Variants in FYN observed in about 807,000 individuals in gnomAD.
FYN encodes FYN proto-oncogene, Src family tyrosine kinase.
Under a neutral mutation model 70.2 loss-of-function variants are expected in FYN, and 10 were observed. That is an observed-to-expected ratio of 0.14 (90% CI 0.09 to 0.24). FYN has a LOEUF of 0.24. Ranked by LOEUF, FYN falls within the 10% of genes least tolerant of loss-of-function variation. FYN has a pLI of 1.00. For missense variants in FYN, 319 were observed against 673.1 expected, an observed-to-expected ratio of 0.47 and a Z score of 5.82; for synonymous variants, 236 against 248.6, an observed-to-expected ratio of 0.95 and a Z score of 0.48.
chr6:111,801,679 GTGTATC>G (rs1771990092), intron 2 of FYN, among the ~76,000 whole-genome samples: 1 of 152,206 alleles, frequency 6.6e-6, no homozygotes, highest in South Asian at 2.1e-4. Context: ...AAAGTAGCAA[GTGTATC>G]TGAGACTGTG....
intron 2 of FYN, among the ~76,000 whole-genome samples, chr6:111,781,945 T>C (rs890742970): frequency 1.3e-5 from 2 of 152,348 alleles, no homozygotes; most frequent in Admixed American, 6.5e-5. Flanking sequence ...AAAATATTCA[T>C]AATTTCTATT....
At chr6:111,808,647 GT>G (rs1173975587) in intron 2 of FYN, among the ~76,000 whole-genome samples, 2 of 152,204 alleles carry the variant, frequency 1.3e-5, no homozygotes, top group Admixed American at 1.3e-4. Flanking sequence ...AGAGTGGAGA[GT>G]ATTTGGATAC....
chr6:111,688,622 C>CGCAGCGTGTGTGTGCTCAT (rs1340426946), intron 12 of FYN, among the ~76,000 whole-genome samples: 119 of 152,302 alleles, frequency 7.8e-4, no homozygotes, highest in Admixed American at 4.4e-3. Context: ...GCCGTGCCCA[C>CGCAGCGTGTGTGTGCTCAT]GCAGCGTGTG....
chr6:111,743,037 G>A (rs1260539231), intron 3 of FYN, among the ~76,000 whole-genome samples: 1 of 151,570 alleles, frequency 6.6e-6, no homozygotes, highest in Non-Finnish European at 1.5e-5. Flanking sequence ...CACGATCTCG[G>A]CTCGTTGCAA....
chr6:111,797,391 T>C (rs1562525173), intron 2 of FYN, among the ~76,000 whole-genome samples: 1 of 152,036 alleles, frequency 6.6e-6, no homozygotes, highest in Non-Finnish European at 1.5e-5. Flanking sequence ...AATTTTTATG[T>C]ATAGAATTTT....
chr6:111,866,617 C>T (rs1441986854), intron 1 of FYN, among the ~76,000 whole-genome samples: 1 of 152,258 alleles, frequency 6.6e-6, no homozygotes, highest in Non-Finnish European at 1.5e-5. Context: ...GCTGGGATTA[C>T]AGGCGTGAGC....
chr6:111,742,014 C>G (rs949536324), intron 3 of FYN, among the ~76,000 whole-genome samples: 1 of 152,144 alleles, frequency 6.6e-6, no homozygotes, highest in African/African-American at 2.4e-5. Context: ...TTAAAATAAT[C>G]CCCCATGCTA....
intron 2 of FYN, among the ~76,000 whole-genome samples, chr6:111,803,313 T>TC (rs1197752733): frequency 6.6e-6 from 1 of 152,234 alleles, no homozygotes; most frequent in Admixed American, 6.5e-5. Context: ...AACCTTTTTT[T>TC]CTCTCCCAAA....
At chr6:111,761,216 T>C (rs1241834291) in intron 3 of FYN, among the ~76,000 whole-genome samples, 2 of 152,190 alleles carry the variant, frequency 1.3e-5, no homozygotes, top group Non-Finnish European at 2.9e-5. Flanking sequence ...TCACATTCTT[T>C]ATCTGAGTCC....
chr6:111,777,792 C>A (rs977251664), intron 3 of FYN, among the ~76,000 whole-genome samples: 1 of 152,158 alleles, frequency 6.6e-6, no homozygotes, highest in Admixed American at 6.5e-5. Flanking sequence ...AATGAAAAAT[C>A]GGAATCTGTG....
At chr6:111,674,781 G>A (rs951152746) in intron 12 of FYN, 151 bp from the exon 13 acceptor site, 14 of 812,340 alleles carry the variant, frequency 1.7e-5, no homozygotes, top group African/African-American at 1.4e-4. Flanking sequence ...GGCTGGGATT[G>A]GGAAGATGTA....
intron 3 of FYN, among the ~76,000 whole-genome samples, chr6:111,772,653 T>C (rs570915816): frequency 3.3e-5 from 5 of 152,194 alleles, no homozygotes; most frequent in East Asian, 1.9e-4. Flanking sequence ...AACAAGCCTC[T>C]AGATCTAACC....
chr6:111,715,892 T>C (rs1800621455), intron 4 of FYN, among the ~76,000 whole-genome samples: 1 of 152,208 alleles, frequency 6.6e-6, no homozygotes, highest in Admixed American at 6.5e-5. Flanking sequence ...GAAGGAAGAT[T>C]TGGATCCAAG....
At chr6:111,743,186 T>C (rs1303407382) in intron 3 of FYN, among the ~76,000 whole-genome samples, 1 of 152,080 alleles carries the variant, frequency 6.6e-6, no homozygotes, top group Admixed American at 6.6e-5. Flanking sequence ...AGGCTGGTCT[T>C]GAACTCCTGA....
chr6:111,761,759 G>C (rs1299769946), intron 3 of FYN, among the ~76,000 whole-genome samples: 1 of 152,178 alleles, frequency 6.6e-6, no homozygotes, highest in Non-Finnish European at 1.5e-5. Context: ...AGGAAGAACA[G>C]TGGCTGCTGG....
At chr6:111,698,073 T>C (rs1357191592) in intron 9 of FYN, among the ~76,000 whole-genome samples, 2 of 152,248 alleles carry the variant, frequency 1.3e-5, no homozygotes, top group Admixed American at 6.5e-5. Context: ...TACATCTTTG[T>C]AGTACTTATC....
chr6:111,865,581 C>T (rs1309624939), intron 1 of FYN, among the ~76,000 whole-genome samples: 1 of 152,164 alleles, frequency 6.6e-6, no homozygotes, highest in African/African-American at 2.4e-5. Context: ...TTGGATAATA[C>T]CATTCAGGCT....
intron 5 of FYN, among the ~76,000 whole-genome samples, chr6:111,710,553 C>A (rs760407871): frequency 3.9e-5 from 6 of 152,100 alleles, no homozygotes; most frequent in Non-Finnish European, 7.4e-5. Context: ...AGATAAAATC[C>A]TTGATTTCTC....
intron 2 of FYN, among the ~76,000 whole-genome samples, chr6:111,842,358 G>C (rs1048337905): frequency 2.0e-5 from 3 of 152,206 alleles, no homozygotes; most frequent in East Asian, 3.8e-4. Flanking sequence ...AAGCACCTGA[G>C]TCCTGCCCCT....
Sources: allele counts gnomAD v4.1 joint callset (sites outside exome capture counted in the v4.1 genomes callset), GRCh38; gene constraint gnomAD v4.1.1; transcripts MANE v1.5; gene names NCBI Gene and HGNC (gene_info 2026-07-23, HGNC 2026-07-21).